SOX5: variants seen among roughly 807,000 people sequenced by gnomAD.
SOX5 encodes the protein SRY-box transcription factor 5, also known as transcription factor SOX-5.
A neutral mutation model predicts 92.0 loss-of-function variants in SOX5; 9 were observed. The ratio of observed to expected loss-of-function variants is 0.10; its 90% CI spans 0.06 to 0.17. The LOEUF (loss-of-function observed/expected upper bound fraction) is 0.17, where lower values mean the gene tolerates loss of function less well. Ranked by LOEUF, SOX5 falls within the 10% of genes least tolerant of loss-of-function variation. The pLI is 1.00. For missense variants in SOX5, 642 were observed against 944.5 expected (o/e 0.68, Z 4.20); for synonymous variants, 344 against 336.3 (o/e 1.02, Z -0.25).
intron 1 of SOX5, among the ~76,000 whole-genome samples, chr12:23,918,297 A>G (rs2097439983): frequency 6.6e-6 from 1 of 152,194 alleles, no homozygotes; most frequent in African/African-American, 2.4e-5. Flanking sequence ...TTTAAAGGAC[A>G]TGGTTCCTAG....
Position 23,895,941 on chromosome 12 carries a change from T to A in SOX5, c.122A>T (p.Glu41Val). The A allele has an allele frequency of 6.2e-7, 1 of 1,614,106 alleles. No homozygotes were observed. The highest frequency in any genetic ancestry group is 1.1e-5 in the South Asian group (1 of 91,088). Residue 41 changes from glutamate to valine, a missense_variant, in exon 2 of 15, where the codon GAA (glutamate) becomes GTA (valine). This residue lies in a region of SOX5 where 113 missense variants were observed against 117.7 expected (regional missense o/e 0.96). Transcript: ENST00000451604. ...AMVTSRQKVE[E>V]EESDGLPAFH... is the part of the protein sequence containing the mutation. ...GGCTGGGAGCCCGTCACTCTCCTCT[T>A]CTTCCACTTTCTGTCTGCTTGTCAC... is the stretch of plus-strand genomic sequence containing the variant.
chr12:24,234,139 G>T (rs1278497785), intron 3 of SOX5, among the ~76,000 whole-genome samples: 8 of 152,120 alleles, frequency 5.3e-5, no homozygotes, highest in Non-Finnish European at 1.2e-4. Context: ...GATAATTTTA[G>T]TATCAGTTGA....
At chr12:23,940,640 C>T (rs1378327352) in intron 1 of SOX5, among the ~76,000 whole-genome samples, 2 of 149,210 alleles carry the variant, frequency 1.3e-5, no homozygotes, top group Non-Finnish European at 3.0e-5. Flanking sequence ...TAGCTAATAG[C>T]GCTTTGTACT....
At chr12:24,094,451 T>C (rs1000400996) in intron 4 of SOX5, among the ~76,000 whole-genome samples, 3 of 129,806 alleles carry the variant, frequency 2.3e-5, no homozygotes, top group Non-Finnish European at 5.0e-5. Context: ...CCACTATTAG[T>C]GGCTTTTTTT....
chr12:24,531,714 G>T (rs1951208817), intron 1 of SOX5, among the ~76,000 whole-genome samples: 1 of 152,138 alleles, frequency 6.6e-6, no homozygotes, highest in Admixed American at 6.5e-5. Flanking sequence ...CACAATTTGT[G>T]TTGCCCTCCT....
At chr12:23,888,337 T>G (rs946708367) in intron 2 of SOX5, among the ~76,000 whole-genome samples, 3 of 152,032 alleles carry the variant, frequency 2.0e-5, no homozygotes, top group Admixed American at 2.0e-4. Flanking sequence ...CTAACCCCTA[T>G]CACTGCCTTA....
chr12:23,710,347 T>C (rs1345092479), intron 6 of SOX5, among the ~76,000 whole-genome samples: 2 of 152,124 alleles, frequency 1.3e-5, no homozygotes, highest in Non-Finnish European at 2.9e-5. Context: ...CCCATTAACT[T>C]GTCATTTACA....
chr12:23,997,676 C>T (rs1440108106), intron 4 of SOX5, among the ~76,000 whole-genome samples: 1 of 152,154 alleles, frequency 6.6e-6, no homozygotes, highest in African/African-American at 2.4e-5. Context: ...ATGTGTTTCT[C>T]AATGAAACGC....
chr12:24,514,935 A>G (rs1267800182), intron 1 of SOX5, among the ~76,000 whole-genome samples: 18 of 152,188 alleles, frequency 1.2e-4, no homozygotes, highest in Admixed American at 7.9e-4. Context: ...AGGAAAAATA[A>G]CTAATGGGTA....
At chr12:23,874,830 C>T (rs2096910375) in intron 2 of SOX5, among the ~76,000 whole-genome samples, 2 of 152,152 alleles carry the variant, frequency 1.3e-5, no homozygotes, top group Admixed American at 1.3e-4. Context: ...CAGATGCTAC[C>T]TACAGCAAAG....
intron 1 of SOX5, among the ~76,000 whole-genome samples, chr12:24,397,837 T>C (rs1566067497): frequency 6.6e-6 from 1 of 151,772 alleles, no homozygotes; most frequent in Admixed American, 6.6e-5. Context: ...ATTGTTATTA[T>C]TATTATTTAA....
chr12:24,147,701 T>C lies in SOX5; in HGVS notation c.-2+65642A>G, dbSNP rs1229934921. Reference sequence around the variant, plus strand: ...TTTACAATAAAGCTACTAGAGCTAATGAGTTTAGAGGGCTGCAGAATGTAA... The same window carrying C: ...TTTACAATAAAGCTACTAGAGCTAACGAGTTTAGAGGGCTGCAGAATGTAA... On this transcript the variant is annotated intron_variant, in intron 4 of 4. Coordinates refer to the SOX5 transcript ENST00000446891. 2.0e-5 allele frequency among the ~76,000 whole-genome samples: 3 copies of C among 152,320 alleles called. No homozygotes were observed. In the East Asian group the frequency reaches 5.8e-4, roughly 29 times the overall value.
chr12:23,861,565 CA>C (rs1173522016), intron 2 of SOX5, among the ~76,000 whole-genome samples: 1 of 152,070 alleles, frequency 6.6e-6, no homozygotes, highest in East Asian at 1.9e-4. Flanking sequence ...TCTGCTATCC[CA>C]AAGTGCTCTG....
intron 3 of SOX5, among the ~76,000 whole-genome samples, chr12:23,776,249 T>C (rs1424909368): frequency 6.6e-6 from 1 of 152,210 alleles, no homozygotes; most frequent in Non-Finnish European, 1.5e-5. Flanking sequence ...AATGAACTTA[T>C]ATAAAATTAG....
intron 6 of SOX5, among the ~76,000 whole-genome samples, chr12:23,673,858 G>C (rs963298877): frequency 6.6e-6 from 1 of 152,002 alleles, no homozygotes; most frequent in Non-Finnish European, 1.5e-5. Context: ...GCAAACCATT[G>C]TGAATATACC....
At position 24,098,338 on chromosome 12, in the gene SOX5, T is replaced by C. The variant is rs1945676298; in HGVS notation, c.-2+115005A>G. 2.0e-5 allele frequency among the ~76,000 whole-genome samples: 3 copies of C among 152,182 alleles called. No homozygotes were observed. In the South Asian group the frequency reaches 6.2e-4, roughly 31 times the overall value. On this transcript the variant is annotated intron_variant, in intron 4 of 4. Transcript: ENST00000446891. ...GTTTCCAGTGGCAGTCCACTATTTT[T>C]ACTCTTATCATAATTTTGCAGAGGC...
At chr12:24,495,145 A>G (rs1240223083) in intron 1 of SOX5, among the ~76,000 whole-genome samples, 4 of 152,230 alleles carry the variant, frequency 2.6e-5, no homozygotes, top group Non-Finnish European at 5.9e-5. Context: ...TTTACTCAAG[A>G]AACAGTGAAA....
intron 3 of SOX5, among the ~76,000 whole-genome samples, chr12:23,798,059 C>T (rs2095596893): frequency 6.6e-6 from 1 of 151,944 alleles, no homozygotes; most frequent in South Asian, 2.1e-4. Context: ...TGGATTTTTA[C>T]ATTTATCTTT....
intron 2 of SOX5, among the ~76,000 whole-genome samples, chr12:24,278,707 T>C (rs1456403853): frequency 6.6e-6 from 1 of 151,916 alleles, no homozygotes; most frequent in Non-Finnish European, 1.5e-5. Context: ...TGAGACCCCA[T>C]CTCAAAAAAG....
Sources: gnomAD v4.1 joint callset for allele counts (sites outside exome capture counted in the v4.1 genomes callset) on GRCh38, gnomAD v4.1.1 for gene constraint, gnomAD v4.1.1 regional missense constraint, MANE v1.5 for transcripts, NCBI Gene and HGNC (gene_info 2026-07-23, HGNC 2026-07-21) for gene names.